Variants in GFRA1 observed in about 807,000 individuals in gnomAD.
The protein encoded by GFRA1 is GDNF family receptor alpha 1, also known as GDNF family receptor alpha-1.
A neutral mutation model predicts 51.6 loss-of-function variants in GFRA1; 16 were observed. That is an observed-to-expected ratio of 0.31 (90% CI 0.21 to 0.47). GFRA1 has a LOEUF of 0.47. GFRA1 is among the 20% of genes least tolerant of loss of function. GFRA1 has a pLI of 1.00. For synonymous variants in GFRA1, 270 were observed against 241.3 expected (o/e 1.12, Z -1.10); for missense variants, 530 against 594.3 (o/e 0.89, Z 1.13).
intron 4 of GFRA1, among the ~76,000 whole-genome samples, chr10:116,228,484 A>G (rs746690397): frequency 2.0e-5 from 3 of 152,178 alleles, no homozygotes; most frequent in African/African-American, 7.2e-5. Context: ...GTTACTTTAC[A>G]TGGCAAATGA....
chr10:116,253,820 G>C (rs1968587684), intron 4 of GFRA1, among the ~76,000 whole-genome samples: 2 of 152,084 alleles, frequency 1.3e-5, no homozygotes, highest in Non-Finnish European at 2.9e-5. Flanking sequence ...AATCAAAAAG[G>C]CAATAAGCCG....
intron 5 of GFRA1, among the ~76,000 whole-genome samples, chr10:116,125,797 G>A (rs1380756423): frequency 1.3e-5 from 2 of 152,182 alleles, no homozygotes; most frequent in Non-Finnish European, 2.9e-5. Context: ...ATTAGGAGGC[G>A]CTAGGTGAGG....
intron 9 of GFRA1, among the ~76,000 whole-genome samples, chr10:116,087,123 T>C (rs897081807): frequency 1.3e-5 from 2 of 152,198 alleles, no homozygotes; most frequent in Non-Finnish European, 2.9e-5. Flanking sequence ...TTCTGGGGAA[T>C]AGAGCGCCTG....
At chr10:116,145,759 T>C (rs1958772214) in intron 5 of GFRA1, among the ~76,000 whole-genome samples, 1 of 152,208 alleles carries the variant, frequency 6.6e-6, no homozygotes, top group Non-Finnish European at 1.5e-5. Context: ...AGATTTTTAT[T>C]GTACATTATT....
At chr10:116,259,393 T>C (rs1367669884) in intron 4 of GFRA1, among the ~76,000 whole-genome samples, 1 of 151,504 alleles carries the variant, frequency 6.6e-6, no homozygotes, top group Non-Finnish European at 1.5e-5. Context: ...GCCCTAGGCA[T>C]TCTGCTCCAC....
chr10:116,234,565 C>G (rs912431178), intron 4 of GFRA1, among the ~76,000 whole-genome samples: 2 of 152,230 alleles, frequency 1.3e-5, no homozygotes, highest in African/African-American at 4.8e-5. Flanking sequence ...GTGGATCACT[C>G]CGTGGCCTTG....
chr10:116,105,825 A>C (rs1956985122), intron 6 of GFRA1, among the ~76,000 whole-genome samples: 1 of 152,168 alleles, frequency 6.6e-6, no homozygotes, highest in Non-Finnish European at 1.5e-5. Flanking sequence ...CAGAAGAAAA[A>C]CTGCTTGCGG....
At chr10:116,196,538 T>TAC (rs1963774601) in intron 5 of GFRA1, among the ~76,000 whole-genome samples, 1 of 132,624 alleles carries the variant, frequency 7.5e-6, no homozygotes, top group African/African-American at 2.8e-5. Context: ...TATTTATAAA[T>TAC]TTATATATAT....
intron 4 of GFRA1, among the ~76,000 whole-genome samples, chr10:116,249,579 G>A (rs17094427): frequency 0.029 from 4,345 of 152,148 alleles, 222 homozygotes; most frequent in African/African-American, 0.1. Context: ...GATGTACCTC[G>A]CTGGCAAGAC....
At chr10:116,121,194 G>A (rs1453170074) in intron 6 of GFRA1, among the ~76,000 whole-genome samples, 1 of 152,178 alleles carries the variant, frequency 6.6e-6, no homozygotes, top group African/African-American at 2.4e-5. Flanking sequence ...ATTTGCATCA[G>A]GCACAAAAGG....
intron 7 of GFRA1, among the ~76,000 whole-genome samples, chr10:116,094,290 T>C (rs1308145626): frequency 1.3e-5 from 2 of 152,218 alleles, no homozygotes; most frequent in Admixed American, 6.5e-5. Context: ...ATAGGGAAGC[T>C]AGAAGCTTCC....
intron 5 of GFRA1, among the ~76,000 whole-genome samples, chr10:116,137,044 T>C (rs1400848598): frequency 6.6e-6 from 1 of 152,206 alleles, no homozygotes; most frequent in Non-Finnish European, 1.5e-5. Context: ...AGAATATTCA[T>C]TTGAATGTAT....
chr10:116,139,656 C>T (rs952916408), intron 5 of GFRA1, among the ~76,000 whole-genome samples: 4 of 152,216 alleles, frequency 2.6e-5, no homozygotes, highest in African/African-American at 9.6e-5. Flanking sequence ...TGCAGCACCC[C>T]GGGACATGCC....
chr10:116,184,961 C>T lies in GFRA1; in HGVS notation c.433+26670G>A, dbSNP rs1037517196. ...AGAGGTGGCATCATCAATCCAGCAC[C>T]TCTGTTCCTCAAAATACAAGCTTTT... On this transcript the variant is annotated intron_variant, in intron 5 of 10. Transcript: ENST00000355422. 6.6e-5 allele frequency among the ~76,000 whole-genome samples: 10 copies of T among 152,266 alleles called. No individual in the cohort carries two copies. The East Asian group carries it at 1.9e-3, about 29-fold the overall frequency.
Position 116,218,541 on chromosome 10 carries a change from C to T in GFRA1, c.419-6896G>A, listed in dbSNP as rs181280407. Among the ~76,000 whole-genome samples, 139 of 152,322 alleles carry T rather than the reference C, an allele frequency of 9.1e-4. 1 individual carries two copies. The highest frequency in any genetic ancestry group is 3.2e-3 in the African/African-American group (132 of 41,572). On this transcript the variant is annotated intron_variant, in intron 4 of 10. Transcript: ENST00000355422. Reference sequence around the variant, plus strand: ...CCCGGAGCATGGCCAGAGTCCAGAGCTCCTCCAGAGTCCCCGCTCAGCCTC... The same window carrying T: ...CCCGGAGCATGGCCAGAGTCCAGAGTTCCTCCAGAGTCCCCGCTCAGCCTC...
chr10:116,128,494 G>A (rs935350722), intron 5 of GFRA1, among the ~76,000 whole-genome samples: 1 of 152,052 alleles, frequency 6.6e-6, no homozygotes, highest in Admixed American at 6.6e-5. Flanking sequence ...GAGAGGCCGA[G>A]GTGGACCGAT....
At chr10:116,132,982 C>T (rs1188076060) in intron 5 of GFRA1, among the ~76,000 whole-genome samples, 4 of 152,084 alleles carry the variant, frequency 2.6e-5, no homozygotes, top group Admixed American at 6.5e-5. Context: ...ATCCTCTCCA[C>T]AGCTCATTTT....
intron 5 of GFRA1, among the ~76,000 whole-genome samples, chr10:116,180,276 TG>T (rs534802734): frequency 1.4e-4 from 22 of 152,188 alleles, no homozygotes; most frequent in Non-Finnish European, 2.9e-4. Flanking sequence ...TGTGGCACAC[TG>T]GACAGAAAAC....
At chr10:116,164,119 C>T (rs1960127105) in intron 5 of GFRA1, among the ~76,000 whole-genome samples, 2 of 152,242 alleles carry the variant, frequency 1.3e-5, no homozygotes, top group South Asian at 4.2e-4. Context: ...GTCGCACAGG[C>T]CCTGCTTGCC....
Sources: gnomAD v4.1 joint callset for allele counts (sites outside exome capture counted in the v4.1 genomes callset) on GRCh38, gnomAD v4.1.1 for gene constraint, MANE v1.5 for transcripts, NCBI Gene and HGNC (gene_info 2026-07-23, HGNC 2026-07-21) for gene names.